GAS7: variants seen among roughly 807,000 people sequenced by gnomAD.
GAS7 encodes the protein growth arrest-specific protein 7.
A neutral mutation model predicts 71.1 loss-of-function variants in GAS7; 28 were observed. The observed-to-expected ratio is 0.39, with a 90% confidence interval of 0.29 to 0.54. GAS7 has a LOEUF of 0.54. Among genes scored for constraint, GAS7 ranks in the 20% least tolerant of loss-of-function variants. GAS7 has a pLI of 0.62. For synonymous variants in GAS7, 258 were observed against 245.8 expected (o/e 1.05, Z -0.46); for missense variants, 436 against 627.8 (o/e 0.69, Z 3.27).
intron 3 of GAS7, among the ~76,000 whole-genome samples, chr17:9,976,259 T>G (rs2070198316): frequency 6.6e-6 from 1 of 152,198 alleles, no homozygotes; most frequent in Admixed American, 6.5e-5. Flanking sequence ...CAGGCCTTTG[T>G]AAGGTCCCAG....
At chr17:10,079,065 C>G (rs1451728516) in intron 1 of GAS7, among the ~76,000 whole-genome samples, 2 of 151,974 alleles carry the variant, frequency 1.3e-5, no homozygotes, top group Admixed American at 1.3e-4. Flanking sequence ...AGCGACAGAC[C>G]AAAGCAGAGG....
intron 1 of GAS7, among the ~76,000 whole-genome samples, chr17:10,129,988 A>G (rs2073983443): frequency 6.6e-6 from 1 of 152,074 alleles, no homozygotes; most frequent in Non-Finnish European, 1.5e-5. Context: ...CCTGGCCAAT[A>G]TGGTGAAACC....
intron 1 of GAS7, among the ~76,000 whole-genome samples, chr17:10,143,044 T>C (rs1200308620): frequency 8.3e-5 from 12 of 144,168 alleles, no homozygotes; most frequent in Non-Finnish European, 1.7e-4. Context: ...TAGCCAGGCA[T>C]AATGGTGGGT....
intron 2 of GAS7, among the ~76,000 whole-genome samples, chr17:10,001,643 T>C (rs8076270): frequency 0.23 from 35,640 of 151,846 alleles, 6,354 homozygotes; most frequent in African/African-American, 0.51. Flanking sequence ...ATTTCAGGAT[T>C]CTGGAAATGC....
At chr17:10,047,089 G>A (rs74370152) in intron 1 of GAS7, among the ~76,000 whole-genome samples, 14,778 of 151,828 alleles carry the variant, frequency 0.097, 1,677 homozygotes, top group African/African-American at 0.28. Flanking sequence ...TGTCTGAGAG[G>A]ACTGCCCATC....
chr17:9,988,517 G>A (rs539154351), intron 2 of GAS7, among the ~76,000 whole-genome samples: 1 of 152,218 alleles, frequency 6.6e-6, no homozygotes, highest in South Asian at 2.1e-4. Flanking sequence ...CTCCATCTCT[G>A]GTTTTTCAAT....
rs561268552 is a variant in GAS7, at chr17:9,962,389, C to G, written c.472-3134G>C. 2.6e-5 allele frequency among the ~76,000 whole-genome samples: 4 copies of G among 152,252 alleles called. No individual in the cohort carries two copies. In the South Asian group the frequency reaches 8.3e-4, roughly 32 times the overall value. ...AAATATTACCGGAAGCTCCTTGGTA[C>G]TAATTTCAAAGGCAGGTATTTGGAA... On this transcript the variant is annotated intron_variant, in intron 4 of 13. Coordinates refer to ENST00000432992, the MANE Select transcript of GAS7 (RefSeq NM_201433.2).
At chr17:9,997,064 C>G (rs2071075863) in intron 2 of GAS7, among the ~76,000 whole-genome samples, 1 of 152,140 alleles carries the variant, frequency 6.6e-6, no homozygotes, top group African/African-American at 2.4e-5. Flanking sequence ...GAAACAGACT[C>G]AGCCAGACTA....
At chr17:10,033,366 C>G (rs1004420497) in intron 1 of GAS7, among the ~76,000 whole-genome samples, 3 of 152,132 alleles carry the variant, frequency 2.0e-5, no homozygotes, top group Non-Finnish European at 2.9e-5. Flanking sequence ...TCCTCCCTAG[C>G]CTTCCTTTAG....
chr17:9,920,408 A>G (rs535124847), intron 11 of GAS7, among the ~76,000 whole-genome samples: 10 of 152,340 alleles, frequency 6.6e-5, no homozygotes, highest in African/African-American at 2.2e-4. Flanking sequence ...TAACTATTCA[A>G]TCTTTAGGAC....
chr17:9,920,182 A>AGAGTGT (rs112208548), intron 11 of GAS7, among the ~76,000 whole-genome samples: 5 of 141,050 alleles, frequency 3.5e-5, no homozygotes, highest in African/African-American at 1.0e-4. Context: ...AGATCATGTA[A>AGAGTGT]GTGTGTGTGT....
At chr17:10,175,836 C>T (rs2074370678) in intron 1 of GAS7, among the ~76,000 whole-genome samples, 1 of 152,156 alleles carries the variant, frequency 6.6e-6, no homozygotes, top group Non-Finnish European at 1.5e-5. Context: ...ACTCTTTCTC[C>T]ACATGCAGTC....
At chr17:10,011,975 CA>C (rs559918563) in intron 2 of GAS7, among the ~76,000 whole-genome samples, 43 of 87,042 alleles carry the variant, frequency 4.9e-4, no homozygotes, top group Middle Eastern at 7.7e-3. Flanking sequence ...AACTCCATCT[CA>C]AAAAAAAAAA....
intron 1 of GAS7, among the ~76,000 whole-genome samples, chr17:10,048,908 T>C (rs563130405): frequency 2.0e-5 from 3 of 152,338 alleles, no homozygotes; most frequent in Admixed American, 2.0e-4. Context: ...CCTGGTGGAT[T>C]TTCCAGCTCA....
chr17:9,937,139 G>T (rs2068429113), intron 8 of GAS7, among the ~76,000 whole-genome samples: 1 of 152,322 alleles, frequency 6.6e-6, no homozygotes, highest in South Asian at 2.1e-4. Flanking sequence ...TGTGCATGGG[G>T]CTGCTGTGCG....
intron 1 of GAS7, among the ~76,000 whole-genome samples, chr17:10,152,273 CA>C (rs2074172300): frequency 6.6e-6 from 1 of 152,122 alleles, no homozygotes. Flanking sequence ...TTATGACAGG[CA>C]GATCAAAACA....
chr17:10,024,510 G>A (rs992216881), intron 1 of GAS7, among the ~76,000 whole-genome samples: 1 of 152,222 alleles, frequency 6.6e-6, no homozygotes, highest in Non-Finnish European at 1.5e-5. Flanking sequence ...AACAAGATCA[G>A]AGGTAGCAGG....
chr17:9,990,408 A>G (rs2070797465), intron 2 of GAS7, among the ~76,000 whole-genome samples: 1 of 152,214 alleles, frequency 6.6e-6, no homozygotes, highest in African/African-American at 2.4e-5. Context: ...AAAGGGTACA[A>G]TGTCTGTTAC....
intron 5 of GAS7, 45 bp from the exon 6 acceptor site, chr17:9,947,028 A>T (rs371864713): frequency 8.2e-6 from 11 of 1,349,254 alleles, no homozygotes; most frequent in Non-Finnish European, 1.2e-5. Flanking sequence ...TGGAGACTGG[A>T]ATAGCGAGGA....
Sources: gnomAD v4.1 joint callset for allele counts (sites outside exome capture counted in the v4.1 genomes callset) on GRCh38, gnomAD v4.1.1 for gene constraint, MANE v1.5 for transcripts, NCBI Gene and HGNC (gene_info 2026-07-23, HGNC 2026-07-21) for gene names.